KLB: variants seen among roughly 807,000 people sequenced by gnomAD.
KLB encodes klotho beta.
KLB carries 44 observed loss-of-function variants against 88.4 expected under a neutral mutation model. That is an observed-to-expected ratio of 0.50 (90% CI 0.39 to 0.64). The LOEUF is 0.64. Ranked by LOEUF, KLB falls within the 30% of genes least tolerant of loss-of-function variation. The pLI is 0.00. For synonymous variants in KLB, 548 were observed against 513.4 expected, an observed-to-expected ratio of 1.07 and a Z score of -0.91; for missense variants, 1,137 against 1,304.8, an observed-to-expected ratio of 0.87 and a Z score of 1.98.
intron 1 of KLB, among the ~76,000 whole-genome samples, chr4:39,417,547 G>A (rs893920723): frequency 2.0e-5 from 3 of 151,756 alleles, no homozygotes; most frequent in South Asian, 4.2e-4. Context: ...TCCTAACCTC[G>A]GCCTCCCAAA....
chr4:39,445,812 G>A (rs866554156), intron 3 of KLB, among the ~76,000 whole-genome samples: 2 of 151,372 alleles, frequency 1.3e-5, no homozygotes, highest in African/African-American at 4.8e-5. Flanking sequence ...ATGAGCCACC[G>A]CGCCCGGCCT....
In KLB at chr4:39,447,101, C is replaced by T. The variant is rs779700751; in HGVS notation, c.2375C>T (p.Ser792Phe). 2 of 1,613,226 alleles carry T rather than the reference C, an allele frequency of 1.2e-6. No homozygotes were observed. The highest frequency in any genetic ancestry group is 1.7e-6 in the Non-Finnish European group (2 of 1,180,012). Residue 792 changes from serine (S) to phenylalanine (F), a missense_variant, in exon 4 of 5, where the codon TCC (serine) becomes TTC (phenylalanine). This residue lies in a region of KLB where 426 missense variants were observed against 404.6 expected (regional missense o/e 1.05). Coordinates refer to ENST00000257408, the MANE Select transcript of KLB (RefSeq NM_175737.4). ...YPAAMREYIA[S>F]KHRRGLSSSA... is the part of the protein sequence containing the mutation. Reference sequence around the variant, plus strand: ...GCGGCCATGAGGGAATACATTGCCTCCAAGCACCGACGGGGGCTTTCCAGC... The same window carrying T: ...GCGGCCATGAGGGAATACATTGCCTTCAAGCACCGACGGGGGCTTTCCAGC...
At chr4:39,416,421 A>G (rs1742965832) in intron 1 of KLB, among the ~76,000 whole-genome samples, 1 of 152,214 alleles carries the variant, frequency 6.6e-6, no homozygotes, top group South Asian at 2.1e-4. Context: ...ACTTTTTTTA[A>G]ATCTTCATAT....
intron 1 of KLB, among the ~76,000 whole-genome samples, chr4:39,424,786 G>A (rs1188149165): frequency 4.0e-5 from 6 of 151,846 alleles, no homozygotes; most frequent in South Asian, 2.1e-4. Flanking sequence ...GTGCCACCAC[G>A]CCTGGCTAAT....
At chr4:39,428,942 A>G (rs752247145) in intron 1 of KLB, among the ~76,000 whole-genome samples, 1 of 152,164 alleles carries the variant, frequency 6.6e-6, no homozygotes, top group African/African-American at 2.4e-5. Flanking sequence ...TCCTGATCTC[A>G]GGTGATCCCA....
chr4:39,408,748 C>T (rs28621754), intron 1 of KLB, among the ~76,000 whole-genome samples: 2,099 of 125,516 alleles, frequency 0.017, 44 homozygotes, highest in African/African-American at 0.045. Context: ...CAGGAATTTG[C>T]AAGAGATTTA....
In KLB at chr4:39,407,553, C is replaced by G. The variant is rs776355190; in HGVS notation, c.604C>G (p.Leu202Val). The G allele has an allele frequency of 6.2e-7, 1 of 1,614,014 alleles. No individual in the cohort carries two copies. The highest frequency in any genetic ancestry group is 1.3e-5 in the African/African-American group (1 of 75,036). The change falls in exon 1 of 5, where the codon CTA (leucine) becomes GTA (valine). Residue 202 changes from leucine (L) to valine (V), a missense_variant. Transcript: ENST00000257408. Reference sequence around the variant, plus strand: ...ATACCACTGGGATTTGCCTTTGGCACTACAAGAAAAATATGGGGGGTGGAA... The same window carrying G: ...ATACCACTGGGATTTGCCTTTGGCAGTACAAGAAAAATATGGGGGGTGGAA... ...TLYHWDLPLA[L>V]QEKYGGWKND...
chr4:39,446,883 C>T lies in KLB; in HGVS notation c.2157C>T (p.His719=). Residue 719 remains histidine (H), a synonymous_variant, in exon 4 of 5, where the codon CAC becomes CAT. Transcript: ENST00000257408. The surrounding 1 kb of genome is among the most constrained non-coding windows in gnomAD (Gnocchi z 6.4). ...CGGCGCACAACCTGCTGGTGGCCCA[C>T]GCCCTGGCCTGGCGCCTCTACGACC... ...YGAAHNLLVA[H]ALAWRLYDRQ... 3 of 1,608,464 alleles carry T rather than the reference C, an allele frequency of 1.9e-6. No homozygotes were observed. Among genetic ancestry groups the T allele is most frequent in the Non-Finnish European group, 2.5e-6 (3 of 1,179,646 alleles).
intron 1 of KLB, among the ~76,000 whole-genome samples, chr4:39,431,324 T>A (rs1743354950): frequency 6.6e-6 from 1 of 152,080 alleles, no homozygotes; most frequent in Non-Finnish European, 1.5e-5. Flanking sequence ...GCTCACTGCA[T>A]CACTGCAACC....
At position 39,450,980 on chromosome 4, in the gene KLB, C is replaced by T. The variant is rs2109849980; in HGVS notation, c.*2294C>T. The T allele has an allele frequency of 6.6e-6, 1 of 152,200 alleles. No individual in the cohort carries two copies. Among genetic ancestry groups the T allele is most frequent in the East Asian group, 1.9e-4 (1 of 5,188 alleles). 9.4% of individuals were successfully genotyped at this position (152,200 alleles called of 1,614,324 possible). The stretch of plus-strand genomic sequence containing the variant: ...TCGTACTCACAGTTCACAAATTAAC[C>T]TTCACTGTCTCTTTCACATTAAGAG... On this transcript the variant is annotated 3_prime_UTR_variant, in exon 5 of 5. Coordinates refer to ENST00000257408, the MANE Select transcript of KLB (RefSeq NM_175737.4).
rs773687460 is a variant in KLB at position 39,446,571 on chromosome 4, G to A, written c.1845G>A (p.Val615=). 2 of 1,614,222 alleles carry A rather than the reference G, an allele frequency of 1.2e-6. No homozygotes were observed. Among genetic ancestry groups the A allele is most frequent in the South Asian group, 2.2e-5 (2 of 91,086 alleles). Residue 615 remains valine (V), a synonymous_variant, in exon 4 of 5, where the codon GTG becomes GTA. Coordinates refer to ENST00000257408, the MANE Select transcript of KLB (RefSeq NM_175737.4). This position sits in a 1 kb window ranked among gnomAD's most constrained non-coding sequence, Gnocchi z 6.4. Reference sequence around the variant, plus strand: ...TTCCCACTGGCAACCTGTCCGCGGTGAACCGACAGGCCCTGAGGTACTACA... The same window carrying A: ...TTCCCACTGGCAACCTGTCCGCGGTAAACCGACAGGCCCTGAGGTACTACA... ...SVLPTGNLSA[V]NRQALRYYRC...
At chr4:39,413,874 A>AATTT (rs1215981068) in intron 1 of KLB, among the ~76,000 whole-genome samples, 6 of 152,222 alleles carry the variant, frequency 3.9e-5, no homozygotes, top group Admixed American at 3.9e-4. Flanking sequence ...TTCATAGATA[A>AATTT]ATACTGTTTA....
chr4:39,424,300 G>A (rs1162523506), intron 1 of KLB, among the ~76,000 whole-genome samples: 4 of 151,634 alleles, frequency 2.6e-5, no homozygotes, highest in East Asian at 1.9e-4. Flanking sequence ...CGAACTCCTG[G>A]GCTCAAGTGA....
rs1315510572 is a variant in KLB at position 39,447,122 on chromosome 4, C to T, written c.2396C>T (p.Ser799Phe). 2 of 1,613,518 alleles carry T rather than the reference C, an allele frequency of 1.2e-6. No homozygotes were observed. The highest frequency in any genetic ancestry group is 1.3e-5 in the African/African-American group (1 of 75,060). Residue 799 changes from serine to phenylalanine, a missense_variant, in exon 4 of 5, where the codon TCC becomes TTC. By Grantham distance (155) the Ser-to-Phe change is radical. Around this residue, in one of 4 missense-constraint regions of KLB, gnomAD observed 426 missense variants for 404.6 expected, o/e 1.05. Coordinates refer to ENST00000257408, the MANE Select transcript of KLB (RefSeq NM_175737.4). ...YIASKHRRGL[S>F]SSALPRLTEA... ...GCCTCCAAGCACCGACGGGGGCTTT[C>T]CAGCTCGGCCCTGCCGCGCCTCACC...
rs1279314332 is a variant in KLB, at chr4:39,448,465, A to G, written c.2914A>G (p.Ser972Gly). 1.9e-6 allele frequency: 3 copies of G among 1,614,034 alleles called. No homozygotes were observed. The highest frequency in any genetic ancestry group is 8.5e-7 in the Non-Finnish European group (1 of 1,179,858). The change falls in exon 5 of 5, where the codon AGT becomes GGT. Residue 972 changes from serine (S) to glycine (G), a missense_variant. Ser to Gly is a moderately conservative substitution (Grantham distance 56). Coordinates refer to ENST00000257408, the MANE Select transcript of KLB (RefSeq NM_175737.4). The part of the protein sequence containing the change: ...ISSRGFPFEN[S>G]SSRCSQTQEN... ...CAGCAGGGGCTTCCCTTTTGAGAACAGTAGTTCTAGATGCAGTCAGACCCA... is the reference window on the plus strand; with the variant it reads ...CAGCAGGGGCTTCCCTTTTGAGAACGGTAGTTCTAGATGCAGTCAGACCCA...
In KLB at chr4:39,446,518, C is replaced by T. The variant is rs758513597; in HGVS notation, c.1792C>T (p.Arg598Trp). The T allele has an allele frequency of 6.2e-7, 1 of 1,614,208 alleles. No homozygotes were observed. The highest frequency in any genetic ancestry group is 8.5e-7 in the Non-Finnish European group (1 of 1,180,036). The change falls in exon 4 of 5, where the codon CGG (arginine) becomes TGG (tryptophan). Residue 598 changes from arginine (R) to tryptophan (W), a missense_variant. Coordinates refer to ENST00000257408, the MANE Select transcript of KLB (RefSeq NM_175737.4). This position sits in a 1 kb window ranked among gnomAD's most constrained non-coding sequence, Gnocchi z 6.4. ...MLARMKVTHYRFALDWASVLP... is the reference protein window; with the variant it reads ...MLARMKVTHYWFALDWASVLP... Reference sequence around the variant, plus strand: ...GGCAAGAATGAAAGTCACCCACTACCGGTTTGCTCTGGATTGGGCCTCGGT... The same window carrying T: ...GGCAAGAATGAAAGTCACCCACTACTGGTTTGCTCTGGATTGGGCCTCGGT...
At chr4:39,433,123 G>T (rs148098662) in intron 1 of KLB, among the ~76,000 whole-genome samples, 5 of 152,028 alleles carry the variant, frequency 3.3e-5, no homozygotes, top group African/African-American at 4.8e-5. Flanking sequence ...CAGGTGATCC[G>T]CCTACCTCGG....
chr4:39,419,565 G>A (rs773788946), intron 1 of KLB, among the ~76,000 whole-genome samples: 5 of 152,106 alleles, frequency 3.3e-5, no homozygotes, highest in Non-Finnish European at 7.4e-5. Flanking sequence ...TCTGAGGTCA[G>A]GAGTTCAACA....
At chr4:39,427,525 A>C (rs994282550) in intron 1 of KLB, among the ~76,000 whole-genome samples, 3 of 151,552 alleles carry the variant, frequency 2.0e-5, no homozygotes, top group African/African-American at 7.3e-5. Flanking sequence ...AAAATAGAGA[A>C]GGGCTAAGCA....
Sources: gnomAD v4.1 joint callset for allele counts (sites outside exome capture counted in the v4.1 genomes callset) on GRCh38, gnomAD v4.1.1 for gene constraint, gnomAD v4.1.1 regional missense constraint, Gnocchi (gnomAD v3.1) non-coding constraint, MANE v1.5 for transcripts, NCBI Gene and HGNC (gene_info 2026-07-23, HGNC 2026-07-21) for gene names.